The following HAPLN1 variants were observed in gnomAD, a reference collection of about 807,000 sequenced individuals.
HAPLN1 encodes Cartilage link protein.
HAPLN1 carries 13 observed loss-of-function variants against 36.5 expected under a neutral mutation model. The observed-to-expected ratio is 0.36, with a 90% CI of 0.23 to 0.57. HAPLN1 has a LOEUF of 0.57. Ranked by LOEUF, HAPLN1 falls within the 20% of genes least tolerant of loss-of-function variation. The pLI is 0.83. For synonymous variants in HAPLN1, 202 were observed against 169.8 expected, an observed-to-expected ratio of 1.19 and a Z score of -1.48; for missense variants, 407 against 439.7, an observed-to-expected ratio of 0.93 and a Z score of 0.66.
At chr5:83,649,158 T>A (rs1392150730) in intron 3 of HAPLN1, among the ~76,000 whole-genome samples, 1 of 152,232 alleles carries the variant, frequency 6.6e-6, no homozygotes, top group Non-Finnish European at 1.5e-5. Context: ...ATCATGATAC[T>A]TTTTGAAGCT....
intron 1 of HAPLN1, among the ~76,000 whole-genome samples, chr5:83,714,059 T>C (rs1751857390): frequency 6.6e-6 from 1 of 152,180 alleles, no homozygotes; most frequent in South Asian, 2.1e-4. Context: ...TTCAGACATC[T>C]GAAATATAGG....
At chr5:83,663,432 A>T (rs1255610937) in intron 2 of HAPLN1, among the ~76,000 whole-genome samples, 1 of 151,914 alleles carries the variant, frequency 6.6e-6, no homozygotes, top group Non-Finnish European at 1.5e-5. Flanking sequence ...GGTCTTCAAA[A>T]CTCATACTAG....
At chr5:83,705,382 C>T (rs1225947040) in intron 1 of HAPLN1, among the ~76,000 whole-genome samples, 4 of 44,934 alleles carry the variant, frequency 8.9e-5, no homozygotes, top group East Asian at 8.0e-4. Flanking sequence ...AAGAGTGAAA[C>T]GTCACAAAAA....
At chr5:83,648,900 T>C (rs115592983) in intron 3 of HAPLN1, among the ~76,000 whole-genome samples, 221 of 152,360 alleles carry the variant, frequency 1.5e-3, no homozygotes, top group African/African-American at 5.2e-3. Context: ...ATCTGCTGCA[T>C]CTTGAGTTTC....
At chr5:83,709,042 A>G (rs574413984) in intron 1 of HAPLN1, among the ~76,000 whole-genome samples, 87 of 151,836 alleles carry the variant, frequency 5.7e-4, no homozygotes, top group Non-Finnish European at 1.1e-3. Context: ...TGCCCTGATA[A>G]TTTTTTTTGT....
intron 1 of HAPLN1, among the ~76,000 whole-genome samples, chr5:83,712,275 A>G (rs760903052): frequency 6.6e-6 from 1 of 152,118 alleles, no homozygotes; most frequent in Non-Finnish European, 1.5e-5. Flanking sequence ...TACCTGTTGT[A>G]TATTATATAT....
chr5:83,703,619 ACAGT>A (rs1401016998), intron 1 of HAPLN1: 10 of 152,170 alleles, frequency 6.6e-5, no homozygotes, highest in African/African-American at 2.4e-4. Context: ...CTGAAATAAG[ACAGT>A]CAGACTTATG....
At chr5:83,674,057 G>C (rs1750797487) in intron 1 of HAPLN1, 1 of 152,800 alleles carries the variant, frequency 6.5e-6, no homozygotes, top group Admixed American at 6.5e-5. Flanking sequence ...AGACTTGCTT[G>C]TTCCAAATAG....
At chr5:83,701,927 A>ACAC (rs1751516866) in intron 1 of HAPLN1, among the ~76,000 whole-genome samples, 6 of 143,848 alleles carry the variant, frequency 4.2e-5, no homozygotes, top group Non-Finnish European at 6.2e-5. Flanking sequence ...CTTCGACAAA[A>ACAC]ACACACACAC....
intron 1 of HAPLN1, among the ~76,000 whole-genome samples, chr5:83,709,926 T>C (rs796168921): frequency 4.6e-4 from 70 of 152,318 alleles, no homozygotes; most frequent in African/African-American, 1.7e-3. Context: ...GAGATATTTA[T>C]GAGACAGAAT....
chr5:83,702,618 G>T (rs1455763472), intron 1 of HAPLN1, among the ~76,000 whole-genome samples: 1 of 152,058 alleles, frequency 6.6e-6, no homozygotes, highest in Non-Finnish European at 1.5e-5. Flanking sequence ...CTGATTTTTG[G>T]CATTTCTTAA....
intron 4 of HAPLN1, among the ~76,000 whole-genome samples, chr5:83,642,947 A>G (rs1457763649): frequency 6.6e-6 from 1 of 152,196 alleles, no homozygotes; most frequent in African/African-American, 2.4e-5. Context: ...TTGTGCTACA[A>G]CATACACATT....
At chr5:83,700,203 A>C (rs965426473) in intron 1 of HAPLN1, among the ~76,000 whole-genome samples, 33 of 150,538 alleles carry the variant, frequency 2.2e-4, no homozygotes, top group African/African-American at 8.0e-4. Context: ...CAAAAAAAAA[A>C]AAAAAAAAAA....
chr5:83,658,787 C>T (rs998078367), intron 2 of HAPLN1, among the ~76,000 whole-genome samples: 1 of 152,062 alleles, frequency 6.6e-6, no homozygotes, highest in African/African-American at 2.4e-5. Flanking sequence ...CCATGCTAAC[C>T]CTCTCCCTTC....
intron 1 of HAPLN1, among the ~76,000 whole-genome samples, chr5:83,706,980 G>T (rs1181330383): frequency 6.6e-6 from 1 of 152,096 alleles, no homozygotes; most frequent in Non-Finnish European, 1.5e-5. Flanking sequence ...ATTCACAATT[G>T]CCACAGAAAG....
In HAPLN1 at chr5:83,639,505, A is replaced by G. The variant is rs1365199335; in HGVS notation, c.*1991T>C. 1 of 152,118 alleles carries G rather than the reference A, an allele frequency of 6.6e-6. No homozygotes were observed. Among genetic ancestry groups the G allele is most frequent in the Non-Finnish European group, 1.5e-5 (1 of 67,948 alleles). 9.4% of individuals were successfully genotyped at this position (152,118 alleles called of 1,614,324 possible). ...TCCCACTTGTATTTTCAACAAAATTATCGGAACATACATAATAATAGTTCA... is the reference window on the plus strand; with the variant it reads ...TCCCACTTGTATTTTCAACAAAATTGTCGGAACATACATAATAATAGTTCA... On this transcript the variant is annotated 3_prime_UTR_variant, in exon 5 of 5. Coordinates refer to ENST00000274341, the MANE Select transcript of HAPLN1 (RefSeq NM_001884.4).
At chr5:83,647,450 C>T (rs890975621) in intron 3 of HAPLN1, among the ~76,000 whole-genome samples, 3 of 152,132 alleles carry the variant, frequency 2.0e-5, no homozygotes, top group African/African-American at 7.2e-5. Context: ...ATTTCACATA[C>T]ACATTTCAAC....
At chr5:83,699,789 A>G (rs1457198609) in intron 1 of HAPLN1, among the ~76,000 whole-genome samples, 1 of 152,244 alleles carries the variant, frequency 6.6e-6, no homozygotes. Context: ...GTTTCTGATA[A>G]TAAGCTTAAC....
intron 2 of HAPLN1, among the ~76,000 whole-genome samples, chr5:83,668,731 C>T (rs1360086163): frequency 6.6e-6 from 1 of 152,206 alleles, no homozygotes; most frequent in Non-Finnish European, 1.5e-5. Flanking sequence ...TGAGCACCTA[C>T]TATGTGCCTG....
Sources: allele counts gnomAD v4.1 joint callset (sites outside exome capture counted in the v4.1 genomes callset), GRCh38; gene constraint gnomAD v4.1.1; transcripts MANE v1.5; gene names NCBI Gene and HGNC (gene_info 2026-07-23, HGNC 2026-07-21).